ZCCHC17: variants seen among roughly 807,000 people sequenced by gnomAD.
ZCCHC17 encodes zinc finger CCHC domain-containing protein 17.
A neutral mutation model predicts 30.6 loss-of-function variants in ZCCHC17; 18 were observed. The observed-to-expected ratio is 0.59, with a 90% CI of 0.41 to 0.87. The LOEUF is 0.87. Ranked by LOEUF, ZCCHC17 falls within the 40% of genes least tolerant of loss-of-function variation. The pLI is 0.00. For synonymous variants in ZCCHC17, 88 were observed against 92.4 expected (o/e 0.95, Z 0.27); for missense variants, 263 against 284.2 (o/e 0.93, Z 0.54).
chr1:31,314,333 GGAAAGA>G (rs1219444951), intron 2 of ZCCHC17, among the ~76,000 whole-genome samples: 1 of 151,740 alleles, frequency 6.6e-6, no homozygotes, highest in Non-Finnish European at 1.5e-5. Flanking sequence ...TTGGAGTTAG[GGAAAGA>G]GAAATACGAT....
At chr1:31,303,600 G>C (rs942940352) in intron 1 of ZCCHC17, among the ~76,000 whole-genome samples, 5 of 152,192 alleles carry the variant, frequency 3.3e-5, no homozygotes, top group African/African-American at 1.2e-4. Flanking sequence ...TTGCTTGGGG[G>C]ATAGGAGGAC....
intron 7 of ZCCHC17, among the ~76,000 whole-genome samples, chr1:31,362,463 G>A (rs1639944200): frequency 6.6e-6 from 1 of 152,138 alleles, no homozygotes; most frequent in African/African-American, 2.4e-5. Context: ...TGCTCATACT[G>A]CCCCATTAGA....
chr1:31,360,649 T>C (rs1639847853), intron 7 of ZCCHC17, among the ~76,000 whole-genome samples: 1 of 152,120 alleles, frequency 6.6e-6, no homozygotes. Context: ...CTAGCTAGAG[T>C]CCATGTTCCA....
intron 2 of ZCCHC17, among the ~76,000 whole-genome samples, chr1:31,317,324 CT>C (rs1557432315): frequency 1.3e-5 from 2 of 152,146 alleles, no homozygotes; most frequent in Non-Finnish European, 2.9e-5. Context: ...CGTGCCTGGC[CT>C]CCCTAACTCT....
chr1:31,357,946 G>T (rs1453690143), intron 7 of ZCCHC17, among the ~76,000 whole-genome samples: 5 of 152,148 alleles, frequency 3.3e-5, no homozygotes, highest in African/African-American at 4.8e-5. Context: ...GTAGAGACGG[G>T]TTTCTCCATG....
chr1:31,341,470 C>G (rs146102166), intron 5 of ZCCHC17, among the ~76,000 whole-genome samples: 2 of 152,182 alleles, frequency 1.3e-5, no homozygotes, highest in African/African-American at 4.8e-5. Context: ...AAAGAGCTAA[C>G]CCTGTTTCTC....
At chr1:31,309,935 G>A in intron 1 of ZCCHC17, 109 bp from the exon 2 acceptor site, 1 of 593,994 alleles carries the variant, frequency 1.7e-6, no homozygotes, top group Non-Finnish European at 2.9e-6. Flanking sequence ...AAAGTGTATG[G>A]TGTTAAATCT....
At chr1:31,329,445 C>T (rs977862722) in intron 3 of ZCCHC17, among the ~76,000 whole-genome samples, 3 of 152,138 alleles carry the variant, frequency 2.0e-5, no homozygotes, top group South Asian at 4.2e-4. Context: ...GAGTTTCTTG[C>T]TTATGATAGA....
chr1:31,355,846 T>A (rs370070263), intron 7 of ZCCHC17, among the ~76,000 whole-genome samples: 1 of 152,212 alleles, frequency 6.6e-6, no homozygotes, highest in African/African-American at 2.4e-5. Flanking sequence ...TGTTTCCTTT[T>A]ACCCTCTAAA....
At chr1:31,321,439 A>G (rs544208639) in intron 3 of ZCCHC17, among the ~76,000 whole-genome samples, 3 of 152,304 alleles carry the variant, frequency 2.0e-5, no homozygotes, top group African/African-American at 4.8e-5. Context: ...CCAGTCTCGT[A>G]TGTCTTTATT....
intron 2 of ZCCHC17, among the ~76,000 whole-genome samples, chr1:31,318,641 A>G (rs932817860): frequency 2.0e-5 from 3 of 152,200 alleles, no homozygotes; most frequent in Non-Finnish European, 4.4e-5. Flanking sequence ...AAGTTCAGGT[A>G]TGAGGGGAGG....
intron 2 of ZCCHC17, among the ~76,000 whole-genome samples, chr1:31,318,794 T>C (rs1412060321): frequency 6.6e-6 from 1 of 152,206 alleles, no homozygotes; most frequent in Non-Finnish European, 1.5e-5. Context: ...CCTCTGGTAA[T>C]ATCAATATGT....
chr1:31,297,763 T>TA (rs1225401308), intron 1 of ZCCHC17, among the ~76,000 whole-genome samples: 1 of 152,158 alleles, frequency 6.6e-6, no homozygotes, highest in African/African-American at 2.4e-5. Flanking sequence ...CCTGCGCTGG[T>TA]AGCTGCAGGA....
At chr1:31,359,283 AG>A (rs1639772102) in intron 7 of ZCCHC17, among the ~76,000 whole-genome samples, 1 of 152,074 alleles carries the variant, frequency 6.6e-6, no homozygotes. Context: ...TGGGAGGATG[AG>A]GCAGGTGGAT....
chr1:31,355,492 G>A (rs1052514433), intron 7 of ZCCHC17, among the ~76,000 whole-genome samples: 3 of 152,100 alleles, frequency 2.0e-5, no homozygotes, highest in Admixed American at 1.3e-4. Flanking sequence ...TTACACATGA[G>A]TAAAATGGAG....
chr1:31,297,153 C>G (rs999112597), intron 1 of ZCCHC17, 78 bp downstream of exon 1: 1 of 402,678 alleles, frequency 2.5e-6, no homozygotes, highest in Non-Finnish European at 4.4e-6. Flanking sequence ...TGAACCTGCC[C>G]TTCTCAGCTG....
intron 3 of ZCCHC17, among the ~76,000 whole-genome samples, chr1:31,322,303 C>T (rs1376276903): frequency 6.6e-6 from 1 of 152,176 alleles, no homozygotes; most frequent in Non-Finnish European, 1.5e-5. Flanking sequence ...ACTTCAGATG[C>T]CAGCCCCAAT....
At chr1:31,336,527 T>C (rs1056745705) in intron 3 of ZCCHC17, among the ~76,000 whole-genome samples, 2 of 152,224 alleles carry the variant, frequency 1.3e-5, no homozygotes, top group Non-Finnish European at 2.9e-5. Flanking sequence ...AAATAAGATT[T>C]ACAATATTTA....
chr1:31,328,465 G>A (rs1638445451), intron 3 of ZCCHC17, among the ~76,000 whole-genome samples: 1 of 151,970 alleles, frequency 6.6e-6, no homozygotes, highest in African/African-American at 2.4e-5. Flanking sequence ...CCGAGATCAT[G>A]CCACTGCACT....
Sources: gnomAD v4.1 joint callset for allele counts (sites outside exome capture counted in the v4.1 genomes callset) on GRCh38, gnomAD v4.1.1 for gene constraint, MANE v1.5 for transcripts, NCBI Gene and HGNC (gene_info 2026-07-23, HGNC 2026-07-21) for gene names.